SVEP1: variants seen among roughly 807,000 people sequenced by gnomAD.
SVEP1 encodes the protein sushi, von Willebrand factor type A, EGF and pentraxin domain containing 1, also known as sushi, von Willebrand factor type A, EGF and pentraxin domain-containing protein 1.
In SVEP1, 164 loss-of-function variants were observed where a neutral mutation model predicts 367.3. The ratio of observed to expected loss-of-function variants is 0.45; its 90% confidence interval spans 0.39 to 0.51. The LOEUF is 0.51. SVEP1 is among the 20% of genes least tolerant of loss of function. SVEP1 has a pLI of 0.00. For missense variants in SVEP1, 4,117 were observed against 4,425.3 expected (o/e 0.93, Z 1.98); for synonymous variants, 1,666 against 1,611.6 (o/e 1.03, Z -0.81).
At position 110,406,903 on chromosome 9, in the gene SVEP1, A is replaced by C. The variant is rs749885331; in HGVS notation, c.8697T>G (p.Asn2899Lys). 2 of 1,613,830 alleles carry C rather than the reference A, an allele frequency of 1.2e-6. No homozygotes were observed. The highest frequency in any genetic ancestry group is 3.3e-5 in the Admixed American group (2 of 60,002). ...VRCATPPQLA[N>K]GVTEGLDYGF... ...CATAGTCCAGGCCTTCCGTCACCCC[A>C]TTGGCCAGTTGTGGCGGGGTGGCAC... The change falls in exon 38 of 48, where the codon AAT becomes AAG. Residue 2899 changes from asparagine (N) to lysine (K), a missense_variant. Asn to Lys is a moderately conservative substitution (Grantham distance 94). Around this residue, in one of 4 missense-constraint regions of SVEP1, gnomAD observed 1,765 missense variants for 1,781.1 expected, o/e 0.99. Transcript: ENST00000374469.
At position 110,457,448 on chromosome 9, in the gene SVEP1, G is replaced by C. The variant is rs185649904; in HGVS notation, c.3577-96C>G. The stretch of plus-strand genomic sequence containing the variant: ...TCAGGTTTGCAACATTAGACAGCTC[G>C]TTCCTCCTGTTTCCAGGTAAGTTCA... On this transcript the variant is annotated intron_variant, in intron 20 of 47. Transcript: ENST00000374469. 4 of 894,632 alleles carry C rather than the reference G, an allele frequency of 4.5e-6. No individual in the cohort carries two copies. The East Asian group carries it at 1.1e-4, about 24-fold the overall frequency. The allele number at this position is 894,632 out of a possible 1,614,324, so 55.4% of individuals were successfully genotyped here. A position where few individuals can be genotyped will look rare whatever the true frequency, so the allele number is the denominator to read the frequency against.
rs372977161 is a variant in SVEP1, at chr9:110,579,147, C to A, written c.397G>T (p.Val133Leu). 1.9e-6 allele frequency: 3 copies of A among 1,559,576 alleles called. No individual in the cohort carries two copies. Among genetic ancestry groups the A allele is most frequent in the South Asian group, 2.4e-5 (2 of 84,556 alleles). ...AIVTFSSKNY[V>L]VPRVDYISTR... ...GAGATGTAATCGACGCGCGGCACCA[C>A]GTAGTTCTTGGACGAGAAGGTCACG... The change falls in exon 1 of 48, where the codon GTG (valine) becomes TTG (leucine). Residue 133 changes from valine to leucine, a missense_variant. Physicochemically the swap from Val to Leu is conservative, Grantham distance 32. Transcript: ENST00000374469. This position sits in a 1 kb window ranked among gnomAD's most constrained non-coding sequence, Gnocchi z 5.3.
In SVEP1 at chr9:110,411,332, T is replaced by A. The variant is rs1438817916; in HGVS notation, c.6379A>T (p.Met2127Leu). ...VLNTSAKIECMRGGQWNPSPM... is the reference protein window; with the variant it reads ...VLNTSAKIECLRGGQWNPSPM... ...GAAGGGTTCCACTGCCCACCTCTCA[T>A]ACATTCAATCTTTGCTGAGGTGTTC... The change falls in exon 37 of 48, where the codon ATG becomes TTG. Residue 2127 changes from methionine to leucine, a missense_variant. Physicochemically the swap from Met to Leu is conservative, Grantham distance 15. This residue lies in a region of SVEP1 where 1,765 missense variants were observed against 1,781.1 expected (regional missense o/e 0.99). Transcript: ENST00000374469. 5 of 1,613,912 alleles carry A rather than the reference T, an allele frequency of 3.1e-6. No individual in the cohort carries two copies. Among genetic ancestry groups the A allele is most frequent in the Admixed American group, 1.7e-5 (1 of 59,998 alleles).
intron 5 of SVEP1, 103 bp downstream of exon 5, chr9:110,512,823 T>A: frequency 7.2e-7 from 1 of 1,386,124 alleles, no homozygotes; most frequent in South Asian, 1.2e-5. Flanking sequence ...ATGGGGTCTA[T>A]GAAATCCAAA....
chr9:110,512,653 A>G, intron 5 of SVEP1: 2 of 466,768 alleles, frequency 4.3e-6, no homozygotes, highest in Non-Finnish European at 7.8e-6. Flanking sequence ...TAGAGGCTTG[A>G]AATTTGAGGT....
At position 110,567,677 on chromosome 9, in the gene SVEP1, G is replaced by A. The variant is rs1830508117; in HGVS notation, c.531+11336C>T. On this transcript the variant is annotated intron_variant, in intron 1 of 47. Transcript: ENST00000374469. ...CAGGCAATAAAGTGATTTCAGTTGA[G>A]TTATTTTCCATAGTTCTTCACCTGT... 3.9e-5 allele frequency among the ~76,000 whole-genome samples: 6 copies of A among 152,154 alleles called. No homozygotes were observed. In the South Asian group the frequency reaches 1.2e-3, roughly 32 times the overall value.
At chr9:110,414,345 C>G (rs1011773438) in intron 36 of SVEP1, among the ~76,000 whole-genome samples, 5 of 151,920 alleles carry the variant, frequency 3.3e-5, no homozygotes, top group African/African-American at 1.2e-4. Context: ...ATCAGCAGAG[C>G]TATATGCAGC....
rs187445617 is a variant in SVEP1, at chr9:110,578,619, T to A, written c.531+394A>T. Among the ~76,000 whole-genome samples the A allele has an allele frequency of 2.0e-3, 303 of 152,266 alleles. 4 individuals carry two copies. The highest frequency in any genetic ancestry group is 7.2e-3 in the African/African-American group (299 of 41,538). On this transcript the variant is annotated intron_variant, in intron 1 of 47. Transcript: ENST00000374469. ...TCTTACATTGAAAGCATAACATAAC[T>A]TTAAAAAGAATTGGGGTTAGGTTTA...
At chr9:110,461,693 A>G (rs1828860823) in intron 18 of SVEP1, among the ~76,000 whole-genome samples, 1 of 152,222 alleles carries the variant, frequency 6.6e-6, no homozygotes, top group Admixed American at 6.5e-5. Context: ...CTTTTACCCA[A>G]TTAACAAAAG....
chr9:110,527,054 G>GAC (rs1461921598), intron 3 of SVEP1, among the ~76,000 whole-genome samples: 1 of 152,108 alleles, frequency 6.6e-6, no homozygotes, highest in Non-Finnish European at 1.5e-5. Flanking sequence ...GGTGGGAAGT[G>GAC]ACTGTGGCTC....
intron 14 of SVEP1, among the ~76,000 whole-genome samples, chr9:110,475,028 CTACA>C (rs1333273804): frequency 6.6e-6 from 1 of 150,638 alleles, no homozygotes; most frequent in East Asian, 1.9e-4. Flanking sequence ...ATATGTGTAT[CTACA>C]TACATATATA....
intron 18 of SVEP1, among the ~76,000 whole-genome samples, chr9:110,462,960 G>T (rs562733235): frequency 5.9e-5 from 9 of 152,014 alleles, no homozygotes; most frequent in South Asian, 4.2e-4. Context: ...AGAATTTCAG[G>T]TTCTCTTACC....
chr9:110,570,032 C>T (rs1830536341), intron 1 of SVEP1, among the ~76,000 whole-genome samples: 1 of 152,150 alleles, frequency 6.6e-6, no homozygotes, highest in Non-Finnish European at 1.5e-5. Flanking sequence ...TCAAGTGAAG[C>T]ATTGTAACAA....
At chr9:110,379,544 G>A in intron 43 of SVEP1, 27 bp from the exon 44 acceptor site, 1 of 1,611,194 alleles carries the variant, frequency 6.2e-7, no homozygotes. Flanking sequence ...CAACAATTAA[G>A]CTTGTGCTAT....
chr9:110,546,447 G>T (rs1830222229), intron 2 of SVEP1, among the ~76,000 whole-genome samples, 156 bp from the exon 3 acceptor site: 1 of 152,226 alleles, frequency 6.6e-6, no homozygotes, highest in Admixed American at 6.5e-5. Flanking sequence ...ACGAATGTGT[G>T]TTATTTGTAC....
chr9:110,567,753 C>T (rs982837646), intron 1 of SVEP1, among the ~76,000 whole-genome samples: 4 of 152,174 alleles, frequency 2.6e-5, no homozygotes, highest in Non-Finnish European at 5.9e-5. Flanking sequence ...GCAGGCTGGT[C>T]CTCTTAGCCT....
At chr9:110,484,001 G>A (rs1355455571) in intron 9 of SVEP1, among the ~76,000 whole-genome samples, 3 of 152,110 alleles carry the variant, frequency 2.0e-5, no homozygotes, top group Admixed American at 6.6e-5. Context: ...TTCTGTCCAC[G>A]GTCGTTGAGC....
chr9:110,401,574 A>G (rs1448700266), intron 39 of SVEP1, among the ~76,000 whole-genome samples: 2 of 150,304 alleles, frequency 1.3e-5, no homozygotes, highest in African/African-American at 4.8e-5. Context: ...GAAATCAATA[A>G]TGATTAAAAT....
intron 39 of SVEP1, among the ~76,000 whole-genome samples, chr9:110,403,295 C>CGTTTTTTTT (rs1320583449): frequency 3.5e-4 from 13 of 36,910 alleles, no homozygotes; most frequent in African/African-American, 3.2e-3. Flanking sequence ...CCGCCACCGC[C>CGTTTTTTTT]GTTTTTTTTT....
Sources: gnomAD v4.1 joint callset for allele counts (sites outside exome capture counted in the v4.1 genomes callset) on GRCh38, gnomAD v4.1.1 for gene constraint, gnomAD v4.1.1 regional missense constraint, Gnocchi (gnomAD v3.1) non-coding constraint, MANE v1.5 for transcripts, NCBI Gene and HGNC (gene_info 2026-07-23, HGNC 2026-07-21) for gene names.